Variants in ANO2 observed in about 807,000 individuals in gnomAD.
The protein encoded by ANO2 is anoctamin 2.
Under a neutral mutation model 124.2 loss-of-function variants are expected in ANO2, and 101 were observed. That is an observed-to-expected ratio of 0.81 (90% CI 0.69 to 0.96). The LOEUF (loss-of-function observed/expected upper bound fraction) is 0.96. Ranked by LOEUF, ANO2 falls within the 40% of genes least tolerant of loss-of-function variation. The pLI, the probability that ANO2 is intolerant of heterozygous loss-of-function variation, is 0.00. For missense variants in ANO2, 1,293 were observed against 1,274.5 expected (o/e 1.01, Z -0.22); for synonymous variants, 486 against 482.5 (o/e 1.01, Z -0.09).
chr12:5,854,398 CAAAAAAAAAA>C (rs56030072), intron 3 of ANO2, among the ~76,000 whole-genome samples: 4 of 76,118 alleles, frequency 5.3e-5, no homozygotes, highest in African/African-American at 1.2e-4. Flanking sequence ...AGCTTCAGAG[CAAAAAAAAAA>C]AAAAAAAAAA....
At chr12:5,795,000 C>T (rs982835453) in intron 10 of ANO2, among the ~76,000 whole-genome samples, 69 of 152,170 alleles carry the variant, frequency 4.5e-4, no homozygotes, top group African/African-American at 1.5e-3. Context: ...ATGGCTTCCT[C>T]GGTCTCCCTC....
intron 3 of ANO2, 101 bp downstream of exon 3, chr12:5,920,939 A>G (rs1941661347): frequency 7.5e-7 from 1 of 1,333,256 alleles, no homozygotes; most frequent in Admixed American, 2.3e-5. Context: ...TCCACCTGCC[A>G]GAATAAAGCC....
chr12:5,627,083 A>G (rs1423573185), intron 16 of ANO2, among the ~76,000 whole-genome samples: 1 of 152,250 alleles, frequency 6.6e-6, no homozygotes, highest in African/African-American at 2.4e-5. Flanking sequence ...CAGTAGAATT[A>G]CTGACCATAG....
intron 3 of ANO2, among the ~76,000 whole-genome samples, chr12:5,876,593 A>G (rs375603208): frequency 6.6e-6 from 1 of 152,260 alleles, no homozygotes. Context: ...ATGCCCATCA[A>G]TGATAGACTG....
intron 3 of ANO2, among the ~76,000 whole-genome samples, chr12:5,888,928 G>T (rs532203796): frequency 6.6e-6 from 1 of 152,356 alleles, no homozygotes; most frequent in Non-Finnish European, 1.5e-5. Context: ...CGAAGGGACT[G>T]GGTGCCTTGG....
intron 1 of ANO2, among the ~76,000 whole-genome samples, chr12:5,923,160 G>GCACA (rs1388871096): frequency 1.2e-4 from 3 of 24,638 alleles, no homozygotes; most frequent in Non-Finnish European, 3.1e-4. Context: ...ATACACACAC[G>GCACA]CATACACACA....
chr12:5,894,541 T>G (rs893558182), intron 3 of ANO2, among the ~76,000 whole-genome samples: 16 of 152,314 alleles, frequency 1.1e-4, no homozygotes, highest in African/African-American at 3.8e-4. Flanking sequence ...AAGCTTTTGG[T>G]GTTTTAGTCA....
At chr12:5,724,537 A>T (rs1050034054) in intron 14 of ANO2, among the ~76,000 whole-genome samples, 1 of 152,224 alleles carries the variant, frequency 6.6e-6, no homozygotes, top group Admixed American at 6.5e-5. Flanking sequence ...CTGTTGTCAC[A>T]GCCTCCGCAA....
intron 14 of ANO2, among the ~76,000 whole-genome samples, chr12:5,669,789 A>T (rs1340417240): frequency 6.6e-6 from 1 of 151,930 alleles, no homozygotes; most frequent in Non-Finnish European, 1.5e-5. Flanking sequence ...TACGCTCATC[A>T]CTCTCCACTC....
intron 14 of ANO2, among the ~76,000 whole-genome samples, chr12:5,700,158 T>C (rs1268784944): frequency 1.3e-5 from 2 of 152,176 alleles, no homozygotes; most frequent in Admixed American, 1.3e-4. Context: ...CACCACATTG[T>C]ACTTATTCCA....
At chr12:5,772,461 T>TA (rs1170239754) in intron 10 of ANO2, among the ~76,000 whole-genome samples, 3 of 152,232 alleles carry the variant, frequency 2.0e-5, no homozygotes, top group Admixed American at 2.0e-4. Context: ...AAAAACCAGT[T>TA]AAATGTTTAA....
chr12:5,875,377 C>A (rs1215729217), intron 3 of ANO2, among the ~76,000 whole-genome samples: 1 of 152,244 alleles, frequency 6.6e-6, no homozygotes, highest in Non-Finnish European at 1.5e-5. Flanking sequence ...GGCCTGCTGG[C>A]CTCAGCACTG....
At chr12:5,825,466 G>A (rs1266857540) in intron 7 of ANO2, among the ~76,000 whole-genome samples, 7 of 152,168 alleles carry the variant, frequency 4.6e-5, no homozygotes, top group Admixed American at 4.6e-4. Context: ...TGATCCACTA[G>A]CAAAATTTTT....
At chr12:5,851,238 A>C (rs1183037670) in intron 4 of ANO2, among the ~76,000 whole-genome samples, 1 of 152,196 alleles carries the variant, frequency 6.6e-6, no homozygotes, top group Non-Finnish European at 1.5e-5. Flanking sequence ...GGGCACTGAA[A>C]CTCTGAAAGC....
intron 7 of ANO2, among the ~76,000 whole-genome samples, chr12:5,826,872 C>T (rs1953973053): frequency 6.6e-6 from 1 of 152,100 alleles, no homozygotes; most frequent in African/African-American, 2.4e-5. Flanking sequence ...AGACAGGACT[C>T]CAAATGACTC....
At chr12:5,632,381 C>T (rs1565497643) in intron 16 of ANO2, among the ~76,000 whole-genome samples, 1 of 151,896 alleles carries the variant, frequency 6.6e-6, no homozygotes, top group Non-Finnish European at 1.5e-5. Context: ...GCGTATAACA[C>T]TGCCCTTGCT....
rs112851420 is a variant in ANO2, at chr12:5,902,935, G to A, written c.534+18105C>T. 5.6e-3 allele frequency among the ~76,000 whole-genome samples: 794 copies of A among 141,176 alleles called. 20 individuals carry two copies. Among genetic ancestry groups the A allele is most frequent in the African/African-American group, 0.021 (760 of 36,424 alleles). 92.6% of individuals were successfully genotyped at this position (141,176 alleles called of 152,430 possible). A position where few individuals can be genotyped will look rare whatever the true frequency, so the allele number is the denominator to read the frequency against. The stretch of plus-strand genomic sequence containing the variant: ...AGCTCAAACCAGGGCACAAAGGTGG[G>A]TGACTTATTGATGGACCCAGGAATG... On this transcript the variant is annotated intron_variant, in intron 3 of 24. Coordinates refer to ENST00000682330, the MANE Select transcript of ANO2 (RefSeq NM_001364791.2).
intron 10 of ANO2, among the ~76,000 whole-genome samples, chr12:5,793,970 A>T (rs567332469): frequency 2.6e-5 from 4 of 152,270 alleles, no homozygotes; most frequent in Admixed American, 2.6e-4. Context: ...TTTCCACAGC[A>T]TGATGGGATT....
intron 18 of ANO2, 37 bp from the exon 19 acceptor site, chr12:5,612,793 A>G (rs1209056247): frequency 2.5e-6 from 4 of 1,611,950 alleles, no homozygotes; most frequent in Non-Finnish European, 3.4e-6. Context: ...CGGTTAGAAC[A>G]AAAGGGAGCT....
Sources: gnomAD v4.1 joint callset for allele counts (sites outside exome capture counted in the v4.1 genomes callset) on GRCh38, gnomAD v4.1.1 for gene constraint, MANE v1.5 for transcripts, NCBI Gene and HGNC (gene_info 2026-07-23, HGNC 2026-07-21) for gene names.